Variants in ZDHHC14 observed in about 807,000 individuals in gnomAD.
The protein encoded by ZDHHC14 is palmitoyltransferase ZDHHC14.
A neutral mutation model predicts 47.7 loss-of-function variants in ZDHHC14; 16 were observed. The observed-to-expected ratio is 0.34, with a 90% CI of 0.23 to 0.51. The LOEUF (loss-of-function observed/expected upper bound fraction) is 0.51, where lower values mean the gene tolerates loss of function less well. Ranked by LOEUF, ZDHHC14 falls within the 20% of genes least tolerant of loss-of-function variation. ZDHHC14 has a pLI of 0.97. For synonymous variants in ZDHHC14, 293 were observed against 278.9 expected, an observed-to-expected ratio of 1.05 and a Z score of -0.50; for missense variants, 515 against 662.5, an observed-to-expected ratio of 0.78 and a Z score of 2.44.
chr6:157,672,859 G>C lies in ZDHHC14; in HGVS notation c.1204G>C (p.Ala402Pro). ...GAAGCCTGGCCTGGGCACGCCCTGC[G>C]CCAGCCTCACACTGGGCCCGCCCAC... is the stretch of plus-strand genomic sequence containing the variant. ...PGKPGLGTPCASLTLGPPTPP... is the reference protein window; with the variant it reads ...PGKPGLGTPCPSLTLGPPTPP... Residue 402 changes from alanine (A) to proline (P), a missense_variant, in exon 9 of 9, where the codon GCC becomes CCC. By Grantham distance (27) the Ala-to-Pro change is conservative (BLOSUM62 -1). This residue lies in a region of ZDHHC14 where 221 missense variants were observed against 233.6 expected (regional missense o/e 0.95). Transcript: ENST00000359775. 2 of 1,609,112 alleles carry C rather than the reference G, an allele frequency of 1.2e-6. No homozygotes were observed. Among genetic ancestry groups the C allele is most frequent in the Admixed American group, 1.7e-5 (1 of 59,744 alleles).
intron 1 of ZDHHC14, among the ~76,000 whole-genome samples, chr6:157,441,947 C>T (rs1182995391): frequency 1.3e-5 from 2 of 152,182 alleles, no homozygotes; most frequent in African/African-American, 2.4e-5. Context: ...TTAGCATTAG[C>T]ATTACAGTTA....
intron 1 of ZDHHC14, among the ~76,000 whole-genome samples, chr6:157,492,183 C>T (rs1259462440): frequency 2.0e-5 from 3 of 146,542 alleles, no homozygotes; most frequent in African/African-American, 7.8e-5. Context: ...AGCCTTGACC[C>T]TCAACATCCC....
intron 1 of ZDHHC14, among the ~76,000 whole-genome samples, chr6:157,487,282 A>G (rs1290242926): frequency 6.6e-6 from 1 of 152,162 alleles, no homozygotes; most frequent in African/African-American, 2.4e-5. Flanking sequence ...TTGAAGGGAA[A>G]ATGAGACCAG....
intron 3 of ZDHHC14, among the ~76,000 whole-genome samples, chr6:157,621,362 AG>A (rs112370439): frequency 0.031 from 4,784 of 152,294 alleles, 139 homozygotes; most frequent in African/African-American, 0.088. Context: ...CTACGTTTAA[AG>A]AAAAGTATTT....
chr6:157,541,793 G>A (rs905068556), intron 1 of ZDHHC14, among the ~76,000 whole-genome samples: 1 of 150,766 alleles, frequency 6.6e-6, no homozygotes, highest in Non-Finnish European at 1.5e-5. Context: ...AGGCTGGCTC[G>A]TGTAGAGTTT....
chr6:157,556,554 C>T (rs1447666006), intron 2 of ZDHHC14, among the ~76,000 whole-genome samples: 1 of 152,210 alleles, frequency 6.6e-6, no homozygotes, highest in Non-Finnish European at 1.5e-5. Context: ...GAGCTCCTGT[C>T]GCCAGCAGGC....
chr6:157,521,377 C>T (rs1223116170), intron 1 of ZDHHC14, among the ~76,000 whole-genome samples: 3 of 152,178 alleles, frequency 2.0e-5, no homozygotes, highest in Admixed American at 6.5e-5. Context: ...TAGAGCAGGA[C>T]GCTTCTGTCT....
chr6:157,407,062 A>G (rs1329019802), intron 1 of ZDHHC14, among the ~76,000 whole-genome samples: 1 of 152,248 alleles, frequency 6.6e-6, no homozygotes, highest in Non-Finnish European at 1.5e-5. Context: ...TAATGGACAC[A>G]CATTATGGGC....
intron 1 of ZDHHC14, among the ~76,000 whole-genome samples, chr6:157,534,440 G>A (rs1781469372): frequency 2.6e-5 from 4 of 152,148 alleles, no homozygotes; most frequent in Admixed American, 6.5e-5. Context: ...AGTAATGTCT[G>A]GACATTAAAG....
intron 7 of ZDHHC14, 58 bp from the exon 8 acceptor site, chr6:157,653,466 TG>T: frequency 1.9e-6 from 3 of 1,583,262 alleles, no homozygotes; most frequent in Non-Finnish European, 1.7e-6. Context: ...GAGATAGTGC[TG>T]CTGCATCTCT....
rs1325153946 is a variant in ZDHHC14, at chr6:157,402,470, G to GC, written c.245+20205dup. On this transcript the variant is annotated intron_variant, in intron 1 of 8. Coordinates refer to ENST00000359775, the MANE Select transcript of ZDHHC14 (RefSeq NM_024630.3). ...GAAATGCGCACCTGCTGAGGTCTCAGCTGCAGTAGTGAGATGCACACCTGC... is the reference window on the plus strand; with the variant it reads ...GAAATGCGCACCTGCTGAGGTCTCAGCCTGCAGTAGTGAGATGCACACCTGC... 2.0e-5 allele frequency among the ~76,000 whole-genome samples: 3 copies of GC among 152,142 alleles called. No individual in the cohort carries two copies. The East Asian group carries it at 5.8e-4, about 29-fold the overall frequency.
rs540862668 is a variant in ZDHHC14 at position 157,646,050 on chromosome 6, C to T, written c.855+211C>T. Among the ~76,000 whole-genome samples, 3 of 152,304 alleles carry T rather than the reference C, an allele frequency of 2.0e-5. No individual in the cohort carries two copies. The South Asian group carries it at 6.2e-4, about 32-fold the overall frequency. On this transcript the variant is annotated intron_variant, in intron 6 of 8. Transcript: ENST00000359775. Reference sequence around the variant, plus strand: ...TCTCCACGTTCTCTGTTTTTCCGACCACATCCATTAGTTACTAAGATTGGC... The same window carrying T: ...TCTCCACGTTCTCTGTTTTTCCGACTACATCCATTAGTTACTAAGATTGGC...
intron 1 of ZDHHC14, among the ~76,000 whole-genome samples, chr6:157,447,975 G>T (rs573882769): frequency 3.3e-5 from 5 of 152,026 alleles, no homozygotes; most frequent in Non-Finnish European, 7.4e-5. Flanking sequence ...AGGCTCAAGC[G>T]ATCTGCCTGC....
chr6:157,666,722 G>GT (rs1778569343), intron 8 of ZDHHC14, among the ~76,000 whole-genome samples: 1 of 152,188 alleles, frequency 6.6e-6, no homozygotes. Flanking sequence ...TGTACACTCG[G>GT]TTTTTTCAGA....
rs1040311006 is a variant in ZDHHC14 at position 157,599,340 on chromosome 6, C to T, written c.565+6194C>T. On this transcript the variant is annotated intron_variant, in intron 3 of 8. Transcript: ENST00000359775. ...CAGGAGGCAAGTACCACAGGTAGGACGTTTGCGGCACCACCACTGAGTTCC... is the reference window on the plus strand; with the variant it reads ...CAGGAGGCAAGTACCACAGGTAGGATGTTTGCGGCACCACCACTGAGTTCC... 3.3e-5 allele frequency among the ~76,000 whole-genome samples: 5 copies of T among 152,330 alleles called. No individual in the cohort carries two copies. In the East Asian group the frequency reaches 5.8e-4, roughly 18 times the overall value.
intron 1 of ZDHHC14, among the ~76,000 whole-genome samples, chr6:157,447,942 G>A (rs562829988): frequency 6.6e-6 from 1 of 152,118 alleles, no homozygotes; most frequent in Non-Finnish European, 1.5e-5. Context: ...TGTGATCATA[G>A]CTCACTGCAG....
At chr6:157,384,436 G>A (rs978053926) in intron 1 of ZDHHC14, among the ~76,000 whole-genome samples, 4 of 152,182 alleles carry the variant, frequency 2.6e-5, no homozygotes, top group African/African-American at 9.7e-5. Flanking sequence ...CTGTGTCAGT[G>A]TTATGTTAAC....
chr6:157,570,768 C>T (rs184963974), intron 2 of ZDHHC14, among the ~76,000 whole-genome samples: 1 of 141,804 alleles, frequency 7.1e-6, no homozygotes, highest in Non-Finnish European at 1.5e-5. Flanking sequence ...CACACACACA[C>T]ACATATATAT....
At chr6:157,626,902 G>GGGC (rs1405811903) in intron 3 of ZDHHC14, among the ~76,000 whole-genome samples, 2 of 103,810 alleles carry the variant, frequency 1.9e-5, no homozygotes, top group Non-Finnish European at 4.2e-5. Flanking sequence ...GGGGGGGGGC[G>GGGC]GCGGGGGCAG....
Sources: allele counts gnomAD v4.1 joint callset (sites outside exome capture counted in the v4.1 genomes callset), GRCh38; gene constraint gnomAD v4.1.1; regional missense constraint gnomAD v4.1.1; transcripts MANE v1.5; gene names NCBI Gene and HGNC (gene_info 2026-07-23, HGNC 2026-07-21).